The following ZFYVE26 variants were observed in gnomAD, a reference collection of about 807,000 sequenced individuals.
ZFYVE26 encodes zinc finger FYVE-type containing 26.
Under a neutral mutation model 276.5 loss-of-function variants are expected in ZFYVE26, and 181 were observed. That is an observed-to-expected ratio of 0.65 (90% CI 0.58 to 0.74). The LOEUF (loss-of-function observed/expected upper bound fraction) is 0.74. Ranked by LOEUF, ZFYVE26 falls within the 30% of genes least tolerant of loss-of-function variation. ZFYVE26 has a pLI of 0.00. For missense variants in ZFYVE26, 2,821 were observed against 3,097.9 expected (o/e 0.91, Z 2.12); for synonymous variants, 1,129 against 1,203.1 (o/e 0.94, Z 1.27).
chr14:67,778,012 T>C, intron 24 of ZFYVE26, 114 bp downstream of exon 24: 2 of 1,489,870 alleles, frequency 1.3e-6, no homozygotes, highest in African/African-American at 1.4e-5. Context: ...TCCTGAAAGA[T>C]CAGAAGAGGC....
At position 67,754,215 on chromosome 14, in the gene ZFYVE26, G is replaced by A. The variant is rs76728509; in HGVS notation, c.6987-3C>T. On this transcript the variant is annotated splice_region_variant and splice_polypyrimidine_tract_variant and intron_variant, in intron 37 of 41. Transcript: ENST00000347230. ...GCAGCTGAAGTGTGTTCATGTGCCT[G>A]TGGTGACAGAATATGCACAGTCCAG... The A allele has an allele frequency of 5.8e-3, 9,337 of 1,614,168 alleles. 93 individuals are homozygous for A. The highest frequency in any genetic ancestry group is 0.043 in the African/African-American group (3,214 of 75,054).
chr14:67,735,442 G>A (rs2038340865), intron 13 of ZFYVE26: 1 of 605,004 alleles, frequency 1.7e-6, no homozygotes, highest in Non-Finnish European at 3.0e-6. Flanking sequence ...GAAAGGCCTT[G>A]GCTCTGCACA....
rs111401510 is a variant in ZFYVE26, at chr14:67,801,143, C to T, written c.1639+936G>A. 1.0e-3 allele frequency among the ~76,000 whole-genome samples: 153 copies of T among 151,962 alleles called. 1 individual carries two copies. Among genetic ancestry groups the T allele is most frequent in the African/African-American group, 3.5e-3 (146 of 41,468 alleles). On this transcript the variant is annotated intron_variant, in intron 10 of 41. Coordinates refer to ENST00000347230, the MANE Select transcript of ZFYVE26 (RefSeq NM_015346.4). ...GTGGGAGCCTATAATCCCAGCTACT[C>T]AGGTGGCTGAGGCAGGAGAATTGCT...
At chr14:67,781,602 T>C in intron 21 of ZFYVE26, 73 bp from the exon 22 acceptor site, 1 of 1,396,436 alleles carries the variant, frequency 7.2e-7, no homozygotes, top group South Asian at 1.2e-5. Flanking sequence ...GGTTACTTCT[T>C]GAGAAAGGGC....
Position 67,790,747 on chromosome 14 carries a change from G to A in ZFYVE26, c.2580C>T (p.Ser860=), listed in dbSNP as rs2039791045. ...ACATCAGTTCCCCTGAACTGGGTGAGGACTTCAGGTTGAACGTGAACAGCA... is the reference window on the plus strand; with the variant it reads ...ACATCAGTTCCCCTGAACTGGGTGAAGACTTCAGGTTGAACGTGAACAGCA... ...HQVLFTFNLK[S]SPSSGELMFM... The change falls in exon 15 of 42, where the codon TCC becomes TCT. Residue 860 remains serine, a synonymous_variant. Coordinates refer to ENST00000347230, the MANE Select transcript of ZFYVE26 (RefSeq NM_015346.4). 2.5e-6 allele frequency: 4 copies of A among 1,614,028 alleles called. No homozygotes were observed. The Admixed American group carries it at 6.7e-5, about 27-fold the overall frequency.
At chr14:67,771,130 C>T (rs1374414091) in intron 28 of ZFYVE26, among the ~76,000 whole-genome samples, 1 of 152,176 alleles carries the variant, frequency 6.6e-6, no homozygotes, top group Non-Finnish European at 1.5e-5. Flanking sequence ...TCCTTCCACC[C>T]TCCTCTGTCT....
intron 9 of ZFYVE26, 147 bp from the exon 10 acceptor site, chr14:67,802,429 A>G: frequency 1.2e-6 from 1 of 801,410 alleles, no homozygotes; most frequent in South Asian, 1.6e-5. Context: ...GATCTGTGTC[A>G]CTTCTAGGGC....
intron 2 of ZFYVE26, among the ~76,000 whole-genome samples, chr14:67,814,511 T>G (rs905941302): frequency 1.4e-5 from 2 of 147,402 alleles, no homozygotes; most frequent in South Asian, 4.2e-4. Flanking sequence ...AGAGCAAGAC[T>G]CTGTCTCCAA....
rs35993176 is a variant in ZFYVE26 at position 67,774,931 on chromosome 14, CA to C, written c.5320+84del. On this transcript the variant is annotated intron_variant, in intron 27 of 41. Transcript: ENST00000347230. Reference sequence around the variant, plus strand: ...TGTAACTGGCAATGAAAAAAAGAAGCAAAAAAAAAAAAAAAATTCTGAAGGA... The same window carrying C: ...TGTAACTGGCAATGAAAAAAAGAAGCAAAAAAAAAAAAAAATTCTGAAGGA... 0.034 allele frequency: 27,721 copies of C among 805,138 alleles called. 472 individuals carry two copies. Among genetic ancestry groups the C allele is most frequent in the African/African-American group, 0.15 (8,384 of 54,262 alleles). The allele number at this position is 805,138 out of a possible 1,614,324, so 49.9% of individuals were successfully genotyped here.
chr14:67,781,642 G>A (rs1425959899), intron 21 of ZFYVE26, 113 bp from the exon 22 acceptor site: 2 of 976,908 alleles, frequency 2.0e-6, no homozygotes, highest in South Asian at 1.4e-5. Context: ...GAGGAGCTTG[G>A]AGGATCCTTA....
rs867324357 is a variant in ZFYVE26 at position 67,782,795 on chromosome 14, A to C, written c.4357T>G (p.Cys1453Gly). Residue 1453 changes from cysteine (C) to glycine (G), a missense_variant, in exon 21 of 42, where the codon TGT (cysteine) becomes GGT (glycine). Coordinates refer to ENST00000347230, the MANE Select transcript of ZFYVE26 (RefSeq NM_015346.4). ...LSSIKDAVLS[C>G]AVACDKEGWQ... Reference sequence around the variant, plus strand: ...TTCTGCTCACCACATGCCACAGCACAGCTCAGGACTGCATCCTTTATGCTG... The same window carrying C: ...TTCTGCTCACCACATGCCACAGCACCGCTCAGGACTGCATCCTTTATGCTG... 2 of 1,614,246 alleles carry C rather than the reference A, an allele frequency of 1.2e-6. No individual in the cohort carries two copies. The highest frequency in any genetic ancestry group is 3.3e-4 in the Middle Eastern group (2 of 6,062).
Position 67,749,386 on chromosome 14 carries a change from G to A in ZFYVE26, c.7417-747C>T, listed in dbSNP as rs372172741. On this transcript the variant is annotated intron_variant, in intron 41 of 41. Coordinates refer to ENST00000347230, the MANE Select transcript of ZFYVE26 (RefSeq NM_015346.4). ...CAAAGGCAGCTGTTGCAGGATATGC[G>A]TATGTGTCTATGTCCCAGGATCGCT... is the stretch of plus-strand genomic sequence containing the variant. 7.0e-4 allele frequency among the ~76,000 whole-genome samples: 106 copies of A among 152,188 alleles called. 1 individual carries two copies. The highest frequency in any genetic ancestry group is 2.1e-3 in the African/African-American group (87 of 41,516).
intron 4 of ZFYVE26, among the ~76,000 whole-genome samples, chr14:67,808,726 T>C (rs1294324605): frequency 6.6e-6 from 1 of 152,064 alleles, no homozygotes; most frequent in Non-Finnish European, 1.5e-5. Context: ...ACTGTAAATA[T>C]GTCTTTAATT....
intron 13 of ZFYVE26, among the ~76,000 whole-genome samples, chr14:67,739,276 C>T (rs1002212459): frequency 6.6e-6 from 1 of 152,106 alleles, no homozygotes; most frequent in Non-Finnish European, 1.5e-5. Context: ...AGCTGGCTGG[C>T]CCAAAAACTA....
intron 3 of ZFYVE26, among the ~76,000 whole-genome samples, chr14:67,813,510 T>G (rs939038435): frequency 2.0e-5 from 3 of 152,156 alleles, no homozygotes; most frequent in African/African-American, 7.2e-5. Context: ...TTTGCTTACT[T>G]GTTTTTATAT....
Position 67,766,357 on chromosome 14 carries a change from G to T in ZFYVE26, c.5881C>A (p.Leu1961Ile), listed in dbSNP as rs2140199467. The T allele has an allele frequency of 6.2e-7, 1 of 1,613,184 alleles. No individual in the cohort carries two copies. Among genetic ancestry groups the T allele is most frequent in the South Asian group, 1.1e-5 (1 of 91,024 alleles). ...TCTGGGTTGGTGAGGCCCTTGGAGA[G>T]CCTGCAGCAGTGCTCAATCAGCTGG... ...GHQLIEHCCR[L>I]SKGLTNPEVD... The change falls in exon 32 of 42, where the codon CTC becomes ATC. Residue 1961 changes from leucine to isoleucine, a missense_variant. Coordinates refer to ENST00000347230, the MANE Select transcript of ZFYVE26 (RefSeq NM_015346.4).
chr14:67,753,289 G>A (rs116397957), intron 39 of ZFYVE26, among the ~76,000 whole-genome samples: 2,310 of 152,260 alleles, frequency 0.015, 42 homozygotes, highest in African/African-American at 0.043. Flanking sequence ...CCCCACCTGT[G>A]TCCTTTTATC....
intron 10 of ZFYVE26, among the ~76,000 whole-genome samples, chr14:67,800,647 C>T (rs2040057591): frequency 1.3e-5 from 2 of 152,124 alleles, no homozygotes; most frequent in Middle Eastern, 3.4e-3. Context: ...GAGAACAATA[C>T]ATAGATTTTC....
intron 2 of ZFYVE26, chr14:67,815,522 A>G: frequency 3.5e-6 from 2 of 567,210 alleles, no homozygotes; most frequent in East Asian, 6.1e-5. Flanking sequence ...AGGATAAACA[A>G]GAAATGGCAG....
Sources: allele counts gnomAD v4.1 joint callset (sites outside exome capture counted in the v4.1 genomes callset), GRCh38; gene constraint gnomAD v4.1.1; transcripts MANE v1.5; gene names NCBI Gene and HGNC (gene_info 2026-07-23, HGNC 2026-07-21).